LURAP1L: variants seen among roughly 807,000 people sequenced by gnomAD.
LURAP1L encodes the protein leucine rich adaptor protein 1 like, also known as leucine rich adaptor protein 1-like.
In LURAP1L, 12 loss-of-function variants were observed where a neutral mutation model predicts 13.8. The ratio of observed to expected loss-of-function variants is 0.87; its 90% confidence interval spans 0.56 to 1.41. The LOEUF (loss-of-function observed/expected upper bound fraction) is 1.41, where lower values mean the gene tolerates loss of function less well. Ranked by LOEUF, LURAP1L falls within the 40% of genes most tolerant of loss-of-function variation. The pLI, the probability that LURAP1L is intolerant of heterozygous loss-of-function variation, is 0.00. For missense variants in LURAP1L, 375 were observed against 292.9 expected (o/e 1.28, Z -2.04); for synonymous variants, 139 against 119.2 (o/e 1.17, Z -1.08).
chr9:12,798,642 T>TAACATCAA (rs1819541669), intron 1 of LURAP1L, among the ~76,000 whole-genome samples: 1 of 152,164 alleles, frequency 6.6e-6, no homozygotes, highest in Admixed American at 6.5e-5. Context: ...AGTGATGAAT[T>TAACATCAA]AACATCAAAT....
At chr9:12,799,904 T>C (rs1156554282) in intron 1 of LURAP1L, among the ~76,000 whole-genome samples, 2 of 151,334 alleles carry the variant, frequency 1.3e-5, no homozygotes, top group South Asian at 2.1e-4. Flanking sequence ...CATTTTATGA[T>C]ATATATTCTA....
chr9:12,779,522 G>C (rs946011084), intron 1 of LURAP1L, among the ~76,000 whole-genome samples: 2 of 151,948 alleles, frequency 1.3e-5, no homozygotes, highest in Admixed American at 6.6e-5. Flanking sequence ...GATCCGCCAC[G>C]GCCTCTCAAA....
intron 1 of LURAP1L, among the ~76,000 whole-genome samples, chr9:12,789,539 A>G (rs1819411089): frequency 6.6e-6 from 1 of 152,192 alleles, no homozygotes; most frequent in South Asian, 2.1e-4. Flanking sequence ...CCCAAGTAAG[A>G]TTTAGCCATT....
At chr9:12,805,108 C>T (rs1203871916) in intron 1 of LURAP1L, among the ~76,000 whole-genome samples, 2 of 151,920 alleles carry the variant, frequency 1.3e-5, no homozygotes, top group African/African-American at 2.4e-5. Flanking sequence ...ATTACCAAAC[C>T]AATATATATC....
At chr9:12,783,969 G>A (rs184149023) in intron 1 of LURAP1L, among the ~76,000 whole-genome samples, 4 of 151,832 alleles carry the variant, frequency 2.6e-5, no homozygotes, top group African/African-American at 7.3e-5. Flanking sequence ...TGAGAGACTC[G>A]AATGCATTCT....
At chr9:12,779,762 G>T (rs968830504) in intron 1 of LURAP1L, among the ~76,000 whole-genome samples, 2 of 151,984 alleles carry the variant, frequency 1.3e-5, no homozygotes, top group African/African-American at 4.8e-5. Flanking sequence ...GGACACCTAG[G>T]AACAAATGAA....
intron 1 of LURAP1L, among the ~76,000 whole-genome samples, chr9:12,809,506 A>G (rs1044267740): frequency 2.0e-5 from 3 of 152,000 alleles, no homozygotes; most frequent in Admixed American, 6.6e-5. Flanking sequence ...CTCTGCTTTT[A>G]TTACTCACTT....
chr9:12,786,597 A>AAGTCT (rs1354492276), intron 1 of LURAP1L, among the ~76,000 whole-genome samples: 1 of 92,546 alleles, frequency 1.1e-5, no homozygotes, highest in East Asian at 3.2e-4. Context: ...CTTGTGCCTT[A>AAGTCT]AGTCTGTATA....
At position 12,775,311 on chromosome 9, in the gene LURAP1L, G is replaced by C. The variant is rs889326653; in HGVS notation, c.-405G>C. On this transcript the variant is annotated 5_prime_UTR_variant, in exon 1 of 2. Transcript: ENST00000319264. ...GAGCGGCGCAGGGATGTGAACGGAC[G>C]GTTTTATAATGTGAAAATTTTCCCT... The C allele has an allele frequency of 5.9e-6, 1 of 168,494 alleles. No homozygotes were observed. Among genetic ancestry groups the C allele is most frequent in the African/African-American group, 2.4e-5 (1 of 41,886 alleles). The allele number at this position is 168,494 out of a possible 1,614,324, so 10.4% of individuals were successfully genotyped here. A position where few individuals can be genotyped will look rare whatever the true frequency, so the allele number is the denominator to read the frequency against.
At chr9:12,805,526 C>T (rs1819645195) in intron 1 of LURAP1L, among the ~76,000 whole-genome samples, 1 of 152,100 alleles carries the variant, frequency 6.6e-6, no homozygotes, top group Admixed American at 6.5e-5. Context: ...TGGTTATTCT[C>T]CTTTTCAGTG....
At chr9:12,818,295 C>CA (rs992819849) in intron 1 of LURAP1L, among the ~76,000 whole-genome samples, 7 of 152,178 alleles carry the variant, frequency 4.6e-5, no homozygotes, top group South Asian at 2.1e-4. Flanking sequence ...AAATTGCTGA[C>CA]AAAAAATGTA....
intron 1 of LURAP1L, among the ~76,000 whole-genome samples, chr9:12,791,346 A>C (rs1344152238): frequency 6.6e-6 from 1 of 151,960 alleles, no homozygotes; most frequent in African/African-American, 2.4e-5. Context: ...TCCCCCTAAA[A>C]TTTTTTGTCT....
intron 1 of LURAP1L, among the ~76,000 whole-genome samples, chr9:12,805,439 T>C (rs1819642953): frequency 6.6e-6 from 1 of 152,148 alleles, no homozygotes; most frequent in Non-Finnish European, 1.5e-5. Flanking sequence ...AAGGTTTTTT[T>C]CTCAGTTAAA....
At chr9:12,805,320 A>G (rs1819641415) in intron 1 of LURAP1L, among the ~76,000 whole-genome samples, 1 of 152,172 alleles carries the variant, frequency 6.6e-6, no homozygotes, top group African/African-American at 2.4e-5. Flanking sequence ...TACTGAAGAC[A>G]CATTGTAATT....
intron 1 of LURAP1L, among the ~76,000 whole-genome samples, chr9:12,808,292 CAGAA>C (rs1243058040): frequency 1.3e-5 from 2 of 151,956 alleles, no homozygotes; most frequent in Non-Finnish European, 2.9e-5. Context: ...TTGTTGGTCT[CAGAA>C]AGTCTTTAGT....
Position 12,781,686 on chromosome 9 carries a change from C to T in LURAP1L, c.312+5659C>T, listed in dbSNP as rs527348000. 2.0e-5 allele frequency among the ~76,000 whole-genome samples: 3 copies of T among 152,314 alleles called. No homozygotes were observed. In the East Asian group the frequency reaches 5.8e-4, roughly 29 times the overall value. On this transcript the variant is annotated intron_variant, in intron 1 of 1. Coordinates refer to ENST00000319264, the MANE Select transcript of LURAP1L (RefSeq NM_203403.2). Reference sequence around the variant, plus strand: ...TGATGGACACAGGTTGCTTGTAAATCTTAGCTATTGTGAATAGTGCTGCAA... The same window carrying T: ...TGATGGACACAGGTTGCTTGTAAATTTTAGCTATTGTGAATAGTGCTGCAA...
Position 12,807,020 on chromosome 9 carries a change from C to CAAAAAA in LURAP1L, c.313-14346_313-14341dup, listed in dbSNP as rs71329888. Reference sequence around the variant, plus strand: ...TGGGCGACAGAGCCAGACTCCGTCTCAAAAAAAAAAAAAAAAAAAAAAAAA... The same window carrying CAAAAAA: ...TGGGCGACAGAGCCAGACTCCGTCTCAAAAAAAAAAAAAAAAAAAAAAAAAAAAAAA... On this transcript the variant is annotated intron_variant, in intron 1 of 1. Transcript: ENST00000319264. Among the ~76,000 whole-genome samples, 74 of 21,878 alleles carry CAAAAAA rather than the reference C, an allele frequency of 3.4e-3. 10 individuals carry two copies. The highest frequency in any genetic ancestry group is 0.013 in the African/African-American group (74 of 5,856). 14.4% of individuals were successfully genotyped at this position (21,878 alleles called of 152,430 possible). A position where few individuals can be genotyped will look rare whatever the true frequency, so the allele number is the denominator to read the frequency against.
chr9:12,806,094 C>G (rs1030348260), intron 1 of LURAP1L, among the ~76,000 whole-genome samples: 3 of 152,190 alleles, frequency 2.0e-5, no homozygotes, highest in African/African-American at 7.2e-5. Context: ...ACACACTATG[C>G]ACCTTTAGGG....
intron 1 of LURAP1L, among the ~76,000 whole-genome samples, chr9:12,819,731 G>T (rs1334197968): frequency 2.0e-5 from 3 of 152,142 alleles, no homozygotes; most frequent in African/African-American, 7.2e-5. Context: ...GAGGAGGGCA[G>T]ATCACGAGGT....
Sources: allele counts gnomAD v4.1 joint callset (sites outside exome capture counted in the v4.1 genomes callset), GRCh38; gene constraint gnomAD v4.1.1; transcripts MANE v1.5; gene names NCBI Gene and HGNC (gene_info 2026-07-23, HGNC 2026-07-21).